Variants in KCTD8 observed in about 807,000 individuals in gnomAD.
The protein encoded by KCTD8 is potassium channel tetramerization domain containing 8.
In KCTD8, 27 loss-of-function variants were observed where a neutral mutation model predicts 31.5. The ratio of observed to expected loss-of-function variants is 0.86; its 90% confidence interval spans 0.63 to 1.18. The LOEUF (loss-of-function observed/expected upper bound fraction) is 1.18. KCTD8 is among the 50% of genes most tolerant of loss of function. The pLI is 0.00. For synonymous variants in KCTD8, 290 were observed against 280.0 expected, an observed-to-expected ratio of 1.04 and a Z score of -0.36; for missense variants, 658 against 647.7, an observed-to-expected ratio of 1.02 and a Z score of -0.17.
At chr4:44,382,365 C>T (rs564035330) in intron 1 of KCTD8, among the ~76,000 whole-genome samples, 1 of 151,974 alleles carries the variant, frequency 6.6e-6, no homozygotes, top group South Asian at 2.1e-4. Context: ...ACAATAAAGG[C>T]CATATATGAC....
rs143392626 is a variant in KCTD8 at position 44,229,994 on chromosome 4, G to A, written c.962-54744C>T. ...CCTCCCCCACCCCCTGACAGGCCCT[G>A]GTGTGGGATGTTCCCCTCCCTGTGT... On this transcript the variant is annotated intron_variant, in intron 1 of 1. Transcript: ENST00000360029. Among the ~76,000 whole-genome samples, 1,229 of 151,756 alleles carry A rather than the reference G, an allele frequency of 8.1e-3. 18 individuals carry two copies. The highest frequency in any genetic ancestry group is 0.028 in the African/African-American group (1,173 of 41,444).
intron 1 of KCTD8, among the ~76,000 whole-genome samples, chr4:44,440,436 G>A (rs960527976): frequency 2.0e-5 from 3 of 151,962 alleles, no homozygotes; most frequent in Admixed American, 1.3e-4. Context: ...AAAATACTAA[G>A]TAACCTCTCT....
At chr4:44,187,271 T>C (rs1174356840) in intron 1 of KCTD8, among the ~76,000 whole-genome samples, 1 of 152,196 alleles carries the variant, frequency 6.6e-6, no homozygotes, top group Non-Finnish European at 1.5e-5. Flanking sequence ...ACATATTAGG[T>C]GTTCATTTGT....
intron 1 of KCTD8, among the ~76,000 whole-genome samples, chr4:44,248,452 C>CAA (rs545805566): frequency 7.2e-6 from 1 of 139,760 alleles, no homozygotes; most frequent in East Asian, 2.0e-4. Flanking sequence ...CCTACCCAAC[C>CAA]AAAAAAAAAA....
intron 1 of KCTD8, among the ~76,000 whole-genome samples, chr4:44,332,128 T>C (rs1351646785): frequency 6.6e-6 from 1 of 151,936 alleles, no homozygotes; most frequent in Non-Finnish European, 1.5e-5. Flanking sequence ...GAGGTGTAAA[T>C]TTCACTGATC....
At chr4:44,266,959 C>G (rs929449022) in intron 1 of KCTD8, among the ~76,000 whole-genome samples, 19 of 151,898 alleles carry the variant, frequency 1.3e-4, no homozygotes, top group Non-Finnish European at 2.8e-4. Flanking sequence ...ACTTTAACAC[C>G]CCACTGTCAA....
At chr4:44,301,638 T>G (rs1717626520) in intron 1 of KCTD8, among the ~76,000 whole-genome samples, 2 of 152,192 alleles carry the variant, frequency 1.3e-5, no homozygotes, top group Admixed American at 1.3e-4. Flanking sequence ...GATGAGTAGG[T>G]TGTGAAAATT....
intron 1 of KCTD8, among the ~76,000 whole-genome samples, chr4:44,240,110 C>T (rs1194529630): frequency 1.3e-5 from 2 of 152,198 alleles, no homozygotes; most frequent in African/African-American, 4.8e-5. Flanking sequence ...AGAAGATTCA[C>T]TTTGAAGCCT....
At chr4:44,232,739 C>G (rs1226046392) in intron 1 of KCTD8, among the ~76,000 whole-genome samples, 2 of 152,074 alleles carry the variant, frequency 1.3e-5, no homozygotes, top group Non-Finnish European at 2.9e-5. Flanking sequence ...TTTGGGGAAA[C>G]AGCAATCCAA....
intron 1 of KCTD8, among the ~76,000 whole-genome samples, chr4:44,381,978 G>T (rs1577646487): frequency 1.3e-5 from 2 of 152,188 alleles, no homozygotes; most frequent in South Asian, 4.1e-4. Flanking sequence ...TACAGACAAA[G>T]AAGGTCATTG....
At chr4:44,207,405 A>G (rs1714346987) in intron 1 of KCTD8, among the ~76,000 whole-genome samples, 1 of 152,194 alleles carries the variant, frequency 6.6e-6, no homozygotes, top group Non-Finnish European at 1.5e-5. Context: ...AACATATGAT[A>G]GAATTTTCAT....
In KCTD8 at chr4:44,173,934, C is replaced by T. The variant is rs927218961; in HGVS notation, c.*856G>A. On this transcript the variant is annotated 3_prime_UTR_variant, in exon 2 of 2. Transcript: ENST00000360029. ...TACATTTTTCTTTTTTTAATAAATACATAAAGCTCTTTACCATTTCCCTCT... is the reference window on the plus strand; with the variant it reads ...TACATTTTTCTTTTTTTAATAAATATATAAAGCTCTTTACCATTTCCCTCT... 6.6e-6 allele frequency: 1 copy of T among 151,994 alleles called. No individual in the cohort carries two copies. Among genetic ancestry groups the T allele is most frequent in the Non-Finnish European group, 1.5e-5 (1 of 67,960 alleles). The allele number at this position is 151,994 out of a possible 1,614,324, so 9.4% of individuals were successfully genotyped here.
chr4:44,370,113 C>T (rs1436199794), intron 1 of KCTD8, among the ~76,000 whole-genome samples: 3 of 152,244 alleles, frequency 2.0e-5, no homozygotes, highest in Non-Finnish European at 4.4e-5. Context: ...AAACTTCACA[C>T]AAGGAAATAT....
At chr4:44,389,991 T>C (rs1720327554) in intron 1 of KCTD8, among the ~76,000 whole-genome samples, 2 of 152,050 alleles carry the variant, frequency 1.3e-5, no homozygotes, top group Admixed American at 6.6e-5. Context: ...TGTTTGTTTT[T>C]ATTTCTGCCG....
intron 1 of KCTD8, among the ~76,000 whole-genome samples, chr4:44,359,855 T>G (rs1376910904): frequency 6.6e-6 from 1 of 152,096 alleles, no homozygotes; most frequent in Non-Finnish European, 1.5e-5. Flanking sequence ...TGACAGACAT[T>G]AACAAAATCA....
At chr4:44,308,202 G>A (rs1473554399) in intron 1 of KCTD8, among the ~76,000 whole-genome samples, 1 of 152,006 alleles carries the variant, frequency 6.6e-6, no homozygotes, top group Non-Finnish European at 1.5e-5. Context: ...TGTATGTGAT[G>A]TCTCATAGCT....
At chr4:44,403,376 T>G (rs1442073378) in intron 1 of KCTD8, among the ~76,000 whole-genome samples, 1 of 151,536 alleles carries the variant, frequency 6.6e-6, no homozygotes, top group African/African-American at 2.4e-5. Flanking sequence ...TAATAAATCA[T>G]TTTAATATAT....
rs1372559449 is a variant in KCTD8, at chr4:44,329,459, A to T, written c.961+118104T>A. 3.3e-5 allele frequency among the ~76,000 whole-genome samples: 5 copies of T among 152,130 alleles called. No homozygotes were observed. The South Asian group carries it at 8.3e-4, about 25-fold the overall frequency. On this transcript the variant is annotated intron_variant, in intron 1 of 1. Transcript: ENST00000360029. ...GTATTACTTTATCTTCTAATTTTTT[A>T]AAGGGTCCCTCTGTAAGCATTAATT...
At chr4:44,292,373 C>G (rs376050912) in intron 1 of KCTD8, among the ~76,000 whole-genome samples, 64 of 152,196 alleles carry the variant, frequency 4.2e-4, no homozygotes, top group African/African-American at 1.3e-3. Context: ...AATGCAGGAT[C>G]AGAAAACTAA....
Sources: gnomAD v4.1 joint callset for allele counts (sites outside exome capture counted in the v4.1 genomes callset) on GRCh38, gnomAD v4.1.1 for gene constraint, MANE v1.5 for transcripts, NCBI Gene and HGNC (gene_info 2026-07-23, HGNC 2026-07-21) for gene names.